STAC: variants seen among roughly 807,000 people sequenced by gnomAD.
STAC encodes the protein SH3 and cysteine-rich domain-containing protein.
STAC carries 43 observed loss-of-function variants against 48.8 expected under a neutral mutation model. The ratio of observed to expected loss-of-function variants is 0.88; its 90% CI spans 0.69 to 1.14. The LOEUF is 1.14. Among genes scored for constraint, STAC ranks in the 50% most tolerant of loss-of-function variants. The pLI is 0.00. For synonymous variants in STAC, 193 were observed against 179.5 expected (o/e 1.07, Z -0.60); for missense variants, 497 against 504.0 (o/e 0.99, Z 0.13).
At chr3:36,485,579 T>A (rs1016761527) in intron 4 of STAC, among the ~76,000 whole-genome samples, 2 of 152,264 alleles carry the variant, frequency 1.3e-5, no homozygotes, top group Admixed American at 1.3e-4. Flanking sequence ...TAGCTTTGGC[T>A]TGGATTCTTC....
chr3:36,437,297 A>C (rs1696168530), intron 1 of STAC, among the ~76,000 whole-genome samples: 1 of 151,526 alleles, frequency 6.6e-6, no homozygotes, highest in South Asian at 2.1e-4. Flanking sequence ...AAGGATTATA[A>C]ATCATGCTGC....
chr3:36,536,121 T>A (rs1042984352), intron 10 of STAC, among the ~76,000 whole-genome samples: 35 of 152,182 alleles, frequency 2.3e-4, no homozygotes, highest in African/African-American at 8.0e-4. Flanking sequence ...GTTGGTAGGC[T>A]ATTTGTTACT....
intron 8 of STAC, among the ~76,000 whole-genome samples, chr3:36,517,924 C>G (rs1162934316): frequency 1.3e-5 from 2 of 151,804 alleles, no homozygotes; most frequent in African/African-American, 2.4e-5. Context: ...CACATTCATT[C>G]ACACACACAC....
rs569034391 is a variant in STAC at position 36,521,190 on chromosome 3, C to T, written c.921-7506C>T. Among the ~76,000 whole-genome samples, 140 of 151,832 alleles carry T rather than the reference C, an allele frequency of 9.2e-4. 1 individual carries two copies. Among genetic ancestry groups the T allele is most frequent in the Non-Finnish European group, 1.6e-3 (106 of 67,974 alleles). ...GTTGCTATAAACTTGATTTAAGGTTCGTTTTGCCTAATGAATGAGAAAGGG... is the reference window on the plus strand; with the variant it reads ...GTTGCTATAAACTTGATTTAAGGTTTGTTTTGCCTAATGAATGAGAAAGGG... On this transcript the variant is annotated intron_variant, in intron 8 of 10. Coordinates refer to ENST00000273183, the MANE Select transcript of STAC (RefSeq NM_003149.3).
At chr3:36,445,371 C>T (rs1384915287) in intron 2 of STAC, among the ~76,000 whole-genome samples, 2 of 152,222 alleles carry the variant, frequency 1.3e-5, no homozygotes, top group East Asian at 3.9e-4. Flanking sequence ...ATCAACGAGT[C>T]TCACTGCTCT....
intron 3 of STAC, among the ~76,000 whole-genome samples, chr3:36,484,183 A>G (rs957917106): frequency 1.3e-5 from 2 of 152,180 alleles, no homozygotes; most frequent in African/African-American, 2.4e-5. Context: ...ACAATAAAAG[A>G]TAATGTCTTG....
intron 1 of STAC, among the ~76,000 whole-genome samples, chr3:36,408,044 A>T (rs1281218989): frequency 6.6e-6 from 1 of 152,206 alleles, no homozygotes; most frequent in Admixed American, 6.5e-5. Context: ...CCCTTGCCAC[A>T]TGGCCCCCCT....
chr3:36,465,920 CTT>C (rs936950365), intron 2 of STAC, among the ~76,000 whole-genome samples: 1 of 152,174 alleles, frequency 6.6e-6, no homozygotes, highest in Non-Finnish European at 1.5e-5. Context: ...ATGTTAATCT[CTT>C]TTGGCAACAC....
chr3:36,448,260 C>T (rs1019553094), intron 2 of STAC, among the ~76,000 whole-genome samples: 4 of 151,306 alleles, frequency 2.6e-5, no homozygotes, highest in East Asian at 3.9e-4. Context: ...CTTGCTCTGT[C>T]GCCCAGGCTG....
In STAC at chr3:36,443,506, C is replaced by A. The variant is rs1161630295; in HGVS notation, c.254C>A (p.Pro85Gln). 4.3e-6 allele frequency: 7 copies of A among 1,614,100 alleles called. No individual in the cohort carries two copies. Among genetic ancestry groups the A allele is most frequent in the Non-Finnish European group, 5.9e-6 (7 of 1,180,052 alleles). The change falls in exon 2 of 11, where the codon CCA (proline) becomes CAA (glutamine). Residue 85 changes from proline to glutamine, a missense_variant. By Grantham distance (76) the Pro-to-Gln change is moderately conservative. Transcript: ENST00000273183. This position sits in a 1 kb window ranked among gnomAD's most constrained non-coding sequence, Gnocchi z 4.2. ...GCTGAGATCAGCCCCAGCTCCAGCC[C>A]ACTCCCTGCTCCAGGAAGCCTGACG... ...MVAEISPSSS[P>Q]LPAPGSLTST...
At chr3:36,467,658 T>C (rs1439755716) in intron 2 of STAC, among the ~76,000 whole-genome samples, 2 of 152,134 alleles carry the variant, frequency 1.3e-5, no homozygotes, top group African/African-American at 4.8e-5. Context: ...CCTTGAATAA[T>C]CTTTTGTATT....
intron 1 of STAC, among the ~76,000 whole-genome samples, chr3:36,435,392 A>C (rs111842124): frequency 1.3e-5 from 2 of 152,024 alleles, no homozygotes; most frequent in African/African-American, 4.8e-5. Flanking sequence ...GGCCTGCCTC[A>C]CTCCAATTTA....
At chr3:36,462,988 T>A (rs548381577) in intron 2 of STAC, among the ~76,000 whole-genome samples, 71 of 152,190 alleles carry the variant, frequency 4.7e-4, no homozygotes, top group Non-Finnish European at 8.4e-4. Context: ...TCATAATAAG[T>A]GATCTTTGCA....
intron 2 of STAC, among the ~76,000 whole-genome samples, chr3:36,451,941 G>GT (rs1696695974): frequency 6.6e-6 from 1 of 152,198 alleles, no homozygotes; most frequent in South Asian, 2.1e-4. Flanking sequence ...TCTCTTGCAG[G>GT]TGGGGGCAGA....
chr3:36,505,881 G>A, intron 8 of STAC, 47 bp downstream of exon 8: 1 of 1,341,386 alleles, frequency 7.5e-7, no homozygotes, highest in Non-Finnish European at 1.0e-6. Flanking sequence ...TTTAAAGTCA[G>A]TATTTCTCCA....
chr3:36,398,361 AAGAAAGAAAAGAAAGAG>A (rs1699907174), intron 1 of STAC, among the ~76,000 whole-genome samples: 1 of 136,944 alleles, frequency 7.3e-6, no homozygotes, highest in Non-Finnish European at 1.6e-5. Context: ...GAAAGAAAGA[AAGAAAGAAAAGAAAGAG>A]AGAAAGAAAG....
At chr3:36,470,539 G>A (rs1697301901) in intron 2 of STAC, among the ~76,000 whole-genome samples, 2 of 152,244 alleles carry the variant, frequency 1.3e-5, no homozygotes, top group South Asian at 4.1e-4. Context: ...GTGTTGGTTG[G>A]CCTCCAGCCA....
chr3:36,510,173 C>T (rs983291051), intron 8 of STAC, among the ~76,000 whole-genome samples: 16 of 152,092 alleles, frequency 1.1e-4, no homozygotes, highest in African/African-American at 3.6e-4. Flanking sequence ...CAAAAGAAGA[C>T]ATTTATGCAG....
chr3:36,422,386 A>G (rs1353458880), intron 1 of STAC, among the ~76,000 whole-genome samples: 2 of 152,168 alleles, frequency 1.3e-5, no homozygotes, highest in Non-Finnish European at 2.9e-5. Flanking sequence ...TCAGAGATCA[A>G]AAGAATAAGC....
Sources: gnomAD v4.1 joint callset for allele counts (sites outside exome capture counted in the v4.1 genomes callset) on GRCh38, gnomAD v4.1.1 for gene constraint, Gnocchi (gnomAD v3.1) non-coding constraint, MANE v1.5 for transcripts, NCBI Gene and HGNC (gene_info 2026-07-23, HGNC 2026-07-21) for gene names.